Variants in TMEM161A observed in about 807,000 individuals in gnomAD.
TMEM161A encodes adaptive response to oxidative stress protein 29.
TMEM161A carries 46 observed loss-of-function variants against 57.1 expected under a neutral mutation model. The ratio of observed to expected loss-of-function variants is 0.81; its 90% confidence interval spans 0.64 to 1.03. The LOEUF (loss-of-function observed/expected upper bound fraction) is 1.03. TMEM161A is among the 50% of genes least tolerant of loss of function. The probability of loss-of-function intolerance (pLI) is 0.00; values close to 1 mark genes in which losing one functional copy is unlikely to be tolerated. For missense variants in TMEM161A, 601 were observed against 621.5 expected, an observed-to-expected ratio of 0.97 and a Z score of 0.35; for synonymous variants, 288 against 279.0, an observed-to-expected ratio of 1.03 and a Z score of -0.32.
intron 1 of TMEM161A, among the ~76,000 whole-genome samples, chr19:19,138,024 C>T (rs2059992029): frequency 6.6e-6 from 1 of 152,110 alleles, no homozygotes; most frequent in South Asian, 2.1e-4. Context: ...GTCGGCGCGG[C>T]CCCCACGCTC....
chr19:19,125,194 G>T (rs1472628022), intron 6 of TMEM161A, among the ~76,000 whole-genome samples: 2 of 152,076 alleles, frequency 1.3e-5, no homozygotes, highest in African/African-American at 4.8e-5. Flanking sequence ...AAACCAAAAA[G>T]AATCTGCAAT....
chr19:19,136,287 A>G (rs534243517), intron 1 of TMEM161A, among the ~76,000 whole-genome samples: 6 of 152,298 alleles, frequency 3.9e-5, no homozygotes, highest in African/African-American at 1.4e-4. Context: ...TAATCCTTTA[A>G]TCAGGCATAA....
At position 19,132,495 on chromosome 19, in the gene TMEM161A, G is replaced by A. The variant is rs2059963632; in HGVS notation, c.300C>T (p.Phe100=). 6.8e-6 allele frequency: 11 copies of A among 1,613,782 alleles called. No individual in the cohort carries two copies. The highest frequency in any genetic ancestry group is 1.7e-5 in the Admixed American group (1 of 59,982). ...TTVDALVLRF[F]LEYQWFVDFA... ...AGTCCACAAACCACTGGTACTCCAGGAAGAAGCGCAGGACTGTGGGGGGCA... is the reference window on the plus strand; with the variant it reads ...AGTCCACAAACCACTGGTACTCCAGAAAGAAGCGCAGGACTGTGGGGGGCA... Residue 100 remains phenylalanine (F), a synonymous_variant, in exon 5 of 12, where the codon TTC becomes TTT. Coordinates refer to ENST00000162044, the MANE Select transcript of TMEM161A (RefSeq NM_017814.3). The surrounding 1 kb of genome is among the most constrained non-coding windows in gnomAD (Gnocchi z 4.3).
intron 6 of TMEM161A, among the ~76,000 whole-genome samples, chr19:19,129,832 G>C (rs1568536831): frequency 6.6e-6 from 1 of 151,938 alleles, no homozygotes; most frequent in Non-Finnish European, 1.5e-5. Context: ...TTGAATGCAG[G>C]AGGCAGAGGT....
intron 1 of TMEM161A, among the ~76,000 whole-genome samples, chr19:19,137,338 C>G (rs757596683): frequency 6.6e-6 from 1 of 152,136 alleles, no homozygotes; most frequent in African/African-American, 2.4e-5. Flanking sequence ...CACCACCCCC[C>G]AAAACCCCCC....
Position 19,119,940 on chromosome 19 carries a change from G to C in TMEM161A, c.1430C>G (p.Ala477Gly), listed in dbSNP as rs1171854337. 7 of 1,556,888 alleles carry C rather than the reference G, an allele frequency of 4.5e-6. No homozygotes were observed. Among genetic ancestry groups the C allele is most frequent in the East Asian group, 2.4e-5 (1 of 41,524 alleles). ...AGGGTCTGCAGGCAGCTAGGAGCCT[G>C]CCAAGTGCTGGTGGAAGTAGAGGCC... Reference protein sequence around the residue: ...LFGLYFHQHLAGS With the variant: ...LFGLYFHQHLGGS The change falls in exon 12 of 12, where the codon GCA becomes GGA. Residue 477 changes from alanine to glycine, a missense_variant. Physicochemically the swap from Ala to Gly is moderately conservative, Grantham distance 60 (BLOSUM62 0). Coordinates refer to ENST00000162044, the MANE Select transcript of TMEM161A (RefSeq NM_017814.3).
chr19:19,123,265 A>C (rs887075805), intron 6 of TMEM161A, among the ~76,000 whole-genome samples: 12 of 152,252 alleles, frequency 7.9e-5, no homozygotes, highest in African/African-American at 2.4e-4. Context: ...GAATAAAAGG[A>C]ATTACTGGAA....
intron 1 of TMEM161A, 111 bp downstream of exon 1, chr19:19,138,315 G>A: frequency 6.8e-7 from 1 of 1,476,570 alleles, no homozygotes; most frequent in Non-Finnish European, 9.3e-7. Context: ...ATCCCTCAGA[G>A]CCTCCAATCC....
At chr19:19,138,376 G>A in intron 1 of TMEM161A, 50 bp downstream of exon 1, 1 of 1,587,296 alleles carries the variant, frequency 6.3e-7, no homozygotes, top group Non-Finnish European at 8.6e-7. Context: ...GACCCCTTCG[G>A]CTGGACCTCG....
intron 6 of TMEM161A, among the ~76,000 whole-genome samples, chr19:19,126,526 AC>A (rs2059932251): frequency 6.6e-6 from 1 of 152,132 alleles, no homozygotes; most frequent in African/African-American, 2.4e-5. Context: ...AGAGTTCAAG[AC>A]TAGCCTGGGC....
At chr19:19,137,936 ACCT>A (rs1217059213) in intron 1 of TMEM161A, among the ~76,000 whole-genome samples, 4 of 151,828 alleles carry the variant, frequency 2.6e-5, no homozygotes, top group African/African-American at 9.7e-5. Context: ...GGCCAACCAG[ACCT>A]CCTGAGTCCA....
At chr19:19,133,342 A>G in intron 2 of TMEM161A, 132 bp from the exon 3 acceptor site, 1 of 740,080 alleles carries the variant, frequency 1.4e-6, no homozygotes, top group East Asian at 2.7e-5. Flanking sequence ...AGGTGAGGGT[A>G]CAGCATGGGG....
chr19:19,138,049 T>TTGGGC (rs1455632043), intron 1 of TMEM161A, among the ~76,000 whole-genome samples: 340 of 152,078 alleles, frequency 2.2e-3, no homozygotes, highest in African/African-American at 7.7e-3. Flanking sequence ...AGGACCCCCG[T>TTGGGC]CCCCAGAGTG....
chr19:19,122,405 G>T (rs757825464), intron 6 of TMEM161A, among the ~76,000 whole-genome samples: 1 of 152,170 alleles, frequency 6.6e-6, no homozygotes, highest in East Asian at 1.9e-4. Flanking sequence ...TCTAGAGGGG[G>T]ATGAAGGACT....
At position 19,121,187 on chromosome 19, in the gene TMEM161A, G is replaced by T. The variant is rs1457988521; in HGVS notation, c.915-21C>A. ...ACAGCCTGTGCGGAGAGGGCCGGGG[G>T]CAAGGGACTAAGAAGGTCGCCCCCG... On this transcript the variant is annotated intron_variant, in intron 9 of 11. Coordinates refer to ENST00000162044, the MANE Select transcript of TMEM161A (RefSeq NM_017814.3). This position sits in a 1 kb window ranked among gnomAD's most constrained non-coding sequence, Gnocchi z 5.8. 1.3e-6 allele frequency: 2 copies of T among 1,586,310 alleles called. No homozygotes were observed. Among genetic ancestry groups the T allele is most frequent in the Non-Finnish European group, 1.7e-6 (2 of 1,165,900 alleles).
intron 6 of TMEM161A, among the ~76,000 whole-genome samples, chr19:19,125,520 T>C (rs1172776760): frequency 1.4e-5 from 2 of 148,118 alleles, no homozygotes; most frequent in East Asian, 3.9e-4. Flanking sequence ...CCAGCTTTTT[T>C]TTTTTTTTTT....
At chr19:19,135,593 G>A (rs1375502274) in intron 1 of TMEM161A, among the ~76,000 whole-genome samples, 1 of 151,980 alleles carries the variant, frequency 6.6e-6, no homozygotes, top group African/African-American at 2.4e-5. Context: ...GAGTGGTGGG[G>A]AGAACAGGGT....
At chr19:19,123,382 C>T (rs1217305809) in intron 6 of TMEM161A, among the ~76,000 whole-genome samples, 1 of 152,092 alleles carries the variant, frequency 6.6e-6, no homozygotes, top group East Asian at 1.9e-4. Context: ...AACTGCAGAA[C>T]ACCAAAAACA....
intron 5 of TMEM161A, among the ~76,000 whole-genome samples, chr19:19,131,701 C>T (rs2059960027): frequency 6.6e-6 from 1 of 152,024 alleles, no homozygotes; most frequent in East Asian, 1.9e-4. Context: ...AATTTTTGTA[C>T]TTTTAGTAGA....
Sources: allele counts gnomAD v4.1 joint callset (sites outside exome capture counted in the v4.1 genomes callset), GRCh38; gene constraint gnomAD v4.1.1; non-coding constraint Gnocchi (gnomAD v3.1); transcripts MANE v1.5; gene names NCBI Gene and HGNC (gene_info 2026-07-23, HGNC 2026-07-21).